DOCK8: variants seen among roughly 807,000 people sequenced by gnomAD.
DOCK8 encodes dedicator of cytokinesis protein 8.
A neutral mutation model predicts 245.6 loss-of-function variants in DOCK8; 141 were observed. That is an observed-to-expected ratio of 0.57 (90% CI 0.50 to 0.66). The LOEUF (loss-of-function observed/expected upper bound fraction) is 0.66, where lower values mean the gene tolerates loss of function less well. Ranked by LOEUF, DOCK8 falls within the 30% of genes least tolerant of loss-of-function variation. The pLI, the probability that DOCK8 is intolerant of heterozygous loss-of-function variation, is 0.00. For missense variants in DOCK8, 2,965 were observed against 2,603.4 expected (o/e 1.14, Z -3.02); for synonymous variants, 1,168 against 970.2 (o/e 1.20, Z -3.79).
At chr9:228,490 T>G (rs993673561) in intron 1 of DOCK8, among the ~76,000 whole-genome samples, 6 of 152,172 alleles carry the variant, frequency 3.9e-5, no homozygotes, top group African/African-American at 1.4e-4. Context: ...TGTTTAAATT[T>G]GAAAAATTAC....
chr9:383,316 C>G (rs979960686), intron 22 of DOCK8, among the ~76,000 whole-genome samples: 1 of 152,070 alleles, frequency 6.6e-6, no homozygotes, highest in Non-Finnish European at 1.5e-5. Flanking sequence ...GGGTGGATCA[C>G]AAGGTCAGGA....
chr9:404,822 T>G, intron 26 of DOCK8, 96 bp from the exon 27 acceptor site: 1 of 1,368,196 alleles, frequency 7.3e-7, no homozygotes, highest in Non-Finnish European at 1.0e-6. Context: ...ATTGATTGCC[T>G]TAACCTGGAG....
chr9:293,876 T>C (rs953614954), intron 4 of DOCK8, among the ~76,000 whole-genome samples: 2 of 152,224 alleles, frequency 1.3e-5, no homozygotes, highest in African/African-American at 4.8e-5. Context: ...TATGATTGTT[T>C]TGAAAGAAAT....
At chr9:338,084 G>A (rs1388164555) in intron 12 of DOCK8, among the ~76,000 whole-genome samples, 1 of 152,056 alleles carries the variant, frequency 6.6e-6, no homozygotes, top group Non-Finnish European at 1.5e-5. Context: ...AACCTGGGAG[G>A]TGGAGGTTGC....
chr9:333,401 A>G lies in DOCK8; in HGVS notation c.1126-824A>G, dbSNP rs185752581. On this transcript the variant is annotated intron_variant, in intron 10 of 47. Transcript: ENST00000432829. ...CAGATCATGAGGTCAGAAGATTGAGACCATCCTGGCCAACACGGTGAAACC... is the reference window on the plus strand; with the variant it reads ...CAGATCATGAGGTCAGAAGATTGAGGCCATCCTGGCCAACACGGTGAAACC... Among the ~76,000 whole-genome samples, 260 of 152,302 alleles carry G rather than the reference A, an allele frequency of 1.7e-3. 1 individual carries two copies. The Middle Eastern group carries it at 0.027, about 16-fold the overall frequency.
At chr9:318,502 C>G (rs2050445877) in intron 7 of DOCK8, among the ~76,000 whole-genome samples, 1 of 152,120 alleles carries the variant, frequency 6.6e-6, no homozygotes, top group Non-Finnish European at 1.5e-5. Context: ...CGCATAGCCT[C>G]TGCCAACTTC....
chr9:389,264 A>T (rs2131344627), intron 23 of DOCK8, among the ~76,000 whole-genome samples: 1 of 152,344 alleles, frequency 6.6e-6, no homozygotes, highest in South Asian at 2.1e-4. Flanking sequence ...CAGGAATATG[A>T]ACACATAGCC....
chr9:397,605 G>T (rs532966490), intron 25 of DOCK8, among the ~76,000 whole-genome samples: 1 of 151,648 alleles, frequency 6.6e-6, no homozygotes, highest in African/African-American at 2.4e-5. Context: ...TGGAAGAATC[G>T]CTTGAGCCCA....
intron 1 of DOCK8, chr9:215,524 T>G: frequency 7.6e-7 from 1 of 1,308,082 alleles, no homozygotes; most frequent in South Asian, 2.1e-5. Context: ...CCTCGCCTGC[T>G]TCATTATTCC....
intron 1 of DOCK8, among the ~76,000 whole-genome samples, chr9:219,982 AATTTTATCT>A (rs2046847109): frequency 6.6e-6 from 1 of 152,254 alleles, no homozygotes; most frequent in Non-Finnish European, 1.5e-5. Flanking sequence ...AGTATTTGCT[AATTTTATCT>A]GCAAAGATAA....
At chr9:425,538 CA>C (rs35853132) in intron 33 of DOCK8, among the ~76,000 whole-genome samples, 4,375 of 54,404 alleles carry the variant, frequency 0.08, 118 homozygotes, top group African/African-American at 0.22. Context: ...GACTCCGTCT[CA>C]AAAAAAAAAA....
At chr9:304,732 C>T in intron 5 of DOCK8, 28 bp downstream of exon 5, 1 of 1,613,978 alleles carries the variant, frequency 6.2e-7, no homozygotes, top group Non-Finnish European at 8.5e-7. Flanking sequence ...ACATGGTTAC[C>T]AGGTTACTGG....
chr9:226,624 C>CA (rs1324900776), intron 1 of DOCK8, among the ~76,000 whole-genome samples: 26 of 149,266 alleles, frequency 1.7e-4, no homozygotes, highest in Admixed American at 4.6e-4. Flanking sequence ...CAATGAAAAA[C>CA]AAAAAAAAAG....
chr9:446,261 TG>T, intron 43 of DOCK8, 108 bp from the exon 44 acceptor site: 1 of 915,300 alleles, frequency 1.1e-6, no homozygotes, highest in Non-Finnish European at 1.8e-6. Context: ...TTTTCTGCAC[TG>T]GGCAGGGCGG....
At chr9:437,581 A>G (rs748479922) in intron 39 of DOCK8, among the ~76,000 whole-genome samples, 3 of 152,362 alleles carry the variant, frequency 2.0e-5, no homozygotes, top group Non-Finnish European at 2.9e-5. Flanking sequence ...GGAGGAAAGA[A>G]TTCTAGACAG....
chr9:417,999 C>T, intron 29 of DOCK8, 69 bp from the exon 30 acceptor site: 1 of 1,606,268 alleles, frequency 6.2e-7, no homozygotes, highest in Non-Finnish European at 8.5e-7. Context: ...GTATCAGTCT[C>T]TTATTGGGTA....
At chr9:375,469 GGTA>G (rs1281309848) in intron 18 of DOCK8, among the ~76,000 whole-genome samples, 1 of 152,068 alleles carries the variant, frequency 6.6e-6, no homozygotes, top group Non-Finnish European at 1.5e-5. Context: ...AGTAATATCG[GGTA>G]CTCAAAAGTA....
intron 14 of DOCK8, among the ~76,000 whole-genome samples, chr9:344,992 C>A (rs2051807056): frequency 6.6e-6 from 1 of 152,090 alleles, no homozygotes; most frequent in African/African-American, 2.4e-5. Flanking sequence ...GCAGAGGTTG[C>A]AGTGAGCTGA....
At chr9:318,997 T>TA (rs775355902) in intron 7 of DOCK8, among the ~76,000 whole-genome samples, 5 of 152,120 alleles carry the variant, frequency 3.3e-5, no homozygotes, top group Admixed American at 1.3e-4. Flanking sequence ...TGTGTTATTT[T>TA]AAAAAAATGT....
Sources: allele counts gnomAD v4.1 joint callset (sites outside exome capture counted in the v4.1 genomes callset), GRCh38; gene constraint gnomAD v4.1.1; transcripts MANE v1.5; gene names NCBI Gene and HGNC (gene_info 2026-07-23, HGNC 2026-07-21).